DNER: variants seen among roughly 807,000 people sequenced by gnomAD.
DNER encodes delta/notch like EGF repeat containing.
In DNER, 33 loss-of-function variants were observed where a neutral mutation model predicts 78.2. That is an observed-to-expected ratio of 0.42 (90% CI 0.32 to 0.56). DNER has a LOEUF of 0.56. Among genes scored for constraint, DNER ranks in the 20% least tolerant of loss-of-function variants. DNER has a pLI of 0.11. For synonymous variants in DNER, 417 were observed against 384.8 expected, an observed-to-expected ratio of 1.08 and a Z score of -0.98; for missense variants, 918 against 975.3, an observed-to-expected ratio of 0.94 and a Z score of 0.78.
intron 10 of DNER, among the ~76,000 whole-genome samples, chr2:229,394,388 G>C (rs968081423): frequency 6.6e-6 from 1 of 151,866 alleles, no homozygotes; most frequent in Non-Finnish European, 1.5e-5. Flanking sequence ...GCTTCTCTTC[G>C]TAAGTCCCTA....
intron 1 of DNER, among the ~76,000 whole-genome samples, chr2:229,609,232 A>C (rs1421145474): frequency 6.6e-6 from 1 of 152,170 alleles, no homozygotes; most frequent in Admixed American, 6.5e-5. Flanking sequence ...TCAAAAATAA[A>C]TAAATAAAAA....
chr2:229,611,791 C>T (rs1056861168), intron 1 of DNER, among the ~76,000 whole-genome samples: 2 of 152,170 alleles, frequency 1.3e-5, no homozygotes, highest in African/African-American at 4.8e-5. Context: ...GCTCCACCAG[C>T]CCTTCCTCTA....
At chr2:229,649,493 A>G (rs187983970) in intron 1 of DNER, among the ~76,000 whole-genome samples, 10 of 152,330 alleles carry the variant, frequency 6.6e-5, no homozygotes, top group East Asian at 1.9e-4. Context: ...TCCAATTTCT[A>G]TATTATAAAT....
intron 1 of DNER, among the ~76,000 whole-genome samples, chr2:229,596,214 T>C (rs1439360955): frequency 2.6e-5 from 4 of 152,178 alleles, no homozygotes; most frequent in Non-Finnish European, 4.4e-5. Context: ...GTGAATGATG[T>C]TATATACACG....
In DNER at chr2:229,517,592, C is replaced by T. The variant is rs149859693; in HGVS notation, c.994-4656G>A. On this transcript the variant is annotated intron_variant, in intron 5 of 12. Transcript: ENST00000341772. Reference sequence around the variant, plus strand: ...TCAGGAAAGATCCAGAAACCAGTGTCGCTAGAGTATAGCAAATAACAGAGA... The same window carrying T: ...TCAGGAAAGATCCAGAAACCAGTGTTGCTAGAGTATAGCAAATAACAGAGA... Among the ~76,000 whole-genome samples the T allele has an allele frequency of 2.8e-3, 424 of 152,292 alleles. 5 individuals are homozygous for T. The highest frequency in any genetic ancestry group is 9.4e-3 in the African/African-American group (390 of 41,560).
intron 6 of DNER, among the ~76,000 whole-genome samples, chr2:229,481,476 G>A (rs146969144): frequency 1.3e-5 from 2 of 151,996 alleles, no homozygotes; most frequent in Non-Finnish European, 2.9e-5. Flanking sequence ...AGAGAGCAGA[G>A]GCTTCACTGA....
At chr2:229,638,090 G>A (rs569891112) in intron 1 of DNER, among the ~76,000 whole-genome samples, 1 of 152,092 alleles carries the variant, frequency 6.6e-6, no homozygotes, top group African/African-American at 2.4e-5. Flanking sequence ...AAGCTAATAC[G>A]AGAGAGGGAA....
chr2:229,388,590 GA>G, intron 10 of DNER, among the ~76,000 whole-genome samples, 194 bp from the exon 11 acceptor site: 1 of 57,788 alleles, frequency 1.7e-5, no homozygotes, highest in African/African-American at 6.5e-5. Context: ...AACTAAAAAG[GA>G]AATATATATA....
At chr2:229,606,468 G>A (rs1397989521) in intron 1 of DNER, among the ~76,000 whole-genome samples, 1 of 149,610 alleles carries the variant, frequency 6.7e-6, no homozygotes, top group Non-Finnish European at 1.5e-5. Context: ...CAGAAAAACT[G>A]ACATCTCTAC....
chr2:229,580,028 G>C (rs1697366384), intron 4 of DNER: 1 of 152,060 alleles, frequency 6.6e-6, no homozygotes, highest in South Asian at 2.1e-4. Context: ...TTTCTCAAGA[G>C]AAAAAACAAA....
intron 10 of DNER, among the ~76,000 whole-genome samples, chr2:229,391,261 C>T (rs1693010263): frequency 6.6e-6 from 1 of 152,196 alleles, no homozygotes. Flanking sequence ...CATTCTCAAT[C>T]AATATTCGTT....
intron 11 of DNER, among the ~76,000 whole-genome samples, chr2:229,369,913 C>A (rs2396645): frequency 0.18 from 26,879 of 152,048 alleles, 4,566 homozygotes; most frequent in African/African-American, 0.45. Context: ...CCACCACCAC[C>A]ATTCCACACT....
chr2:229,673,932 G>A lies in DNER; in HGVS notation c.276+40216C>T, dbSNP rs573662734. ...TGGCCAACAGAGTGCACTGGCCAGG[G>A]GCCAGGGAGGGAGGAGAGAGAGGAC... On this transcript the variant is annotated intron_variant, in intron 1 of 12. Transcript: ENST00000341772. 2.4e-4 allele frequency among the ~76,000 whole-genome samples: 37 copies of A among 152,324 alleles called. No homozygotes were observed. In the East Asian group the frequency reaches 7.1e-3, roughly 29 times the overall value.
At chr2:229,629,365 C>T (rs1698397193) in intron 1 of DNER, among the ~76,000 whole-genome samples, 1 of 152,162 alleles carries the variant, frequency 6.6e-6, no homozygotes, top group African/African-American at 2.4e-5. Flanking sequence ...TATGATTAGA[C>T]TTATATAGGT....
intron 1 of DNER, among the ~76,000 whole-genome samples, chr2:229,676,419 C>A (rs1023439431): frequency 4.6e-5 from 7 of 152,178 alleles, no homozygotes; most frequent in African/African-American, 1.7e-4. Context: ...ATACATCTGG[C>A]AAGTGCTAAA....
chr2:229,492,189 A>G (rs550439919), intron 6 of DNER, among the ~76,000 whole-genome samples: 1 of 152,224 alleles, frequency 6.6e-6, no homozygotes, highest in East Asian at 1.9e-4. Flanking sequence ...TATTGAATGA[A>G]TAAGCCTTAC....
intron 1 of DNER, among the ~76,000 whole-genome samples, chr2:229,687,259 ACTT>A (rs1477319892): frequency 7.0e-6 from 1 of 143,112 alleles, no homozygotes; most frequent in Non-Finnish European, 1.5e-5. Flanking sequence ...CAAATTTCCA[ACTT>A]CTTTTTTTTT....
chr2:229,363,869 C>CCAACACATG (rs1226591866), intron 12 of DNER, among the ~76,000 whole-genome samples: 1 of 151,986 alleles, frequency 6.6e-6, no homozygotes, highest in Non-Finnish European at 1.5e-5. Flanking sequence ...TAATTGTCTC[C>CCAACACATG]CAACACATGA....
At chr2:229,409,447 A>G (rs1693458744) in intron 9 of DNER, among the ~76,000 whole-genome samples, 1 of 152,228 alleles carries the variant, frequency 6.6e-6, no homozygotes, top group Non-Finnish European at 1.5e-5. Context: ...ATACATTAAC[A>G]TCACTAACAT....
Sources: allele counts gnomAD v4.1 joint callset (sites outside exome capture counted in the v4.1 genomes callset), GRCh38; gene constraint gnomAD v4.1.1; transcripts MANE v1.5; gene names NCBI Gene and HGNC (gene_info 2026-07-23, HGNC 2026-07-21).